PKIG: variants seen among roughly 807,000 people sequenced by gnomAD.
PKIG encodes protein kinase (cAMP-dependent, catalytic) inhibitor gamma.
Under a neutral mutation model 6.8 loss-of-function variants are expected in PKIG, and 1 was observed. That is an observed-to-expected ratio of 0.15 (90% CI 0.05 to 0.69). The LOEUF (loss-of-function observed/expected upper bound fraction) is 0.69, where lower values mean the gene tolerates loss of function less well. Among genes scored for constraint, PKIG ranks in the 30% least tolerant of loss-of-function variants. The probability of loss-of-function intolerance (pLI) is 0.82; values close to 1 mark genes in which losing one functional copy is unlikely to be tolerated. For missense variants in PKIG, 77 were observed against 104.0 expected (o/e 0.74, Z 1.13); for synonymous variants, 39 against 43.0 (o/e 0.91, Z 0.36).
At chr20:44,540,922 G>GT (rs2064556019) in intron 1 of PKIG, among the ~76,000 whole-genome samples, 1 of 152,146 alleles carries the variant, frequency 6.6e-6, no homozygotes, top group African/African-American at 2.4e-5. Context: ...TTGAGGTAGA[G>GT]TAAATGATTC....
chr20:44,552,342 A>G (rs909647641), intron 1 of PKIG, among the ~76,000 whole-genome samples: 1 of 152,010 alleles, frequency 6.6e-6, no homozygotes, highest in African/African-American at 2.4e-5. Context: ...TCTTCCACAT[A>G]TGTTTCAGTA....
At chr20:44,597,744 G>A (rs986501795) in intron 2 of PKIG, among the ~76,000 whole-genome samples, 3 of 152,138 alleles carry the variant, frequency 2.0e-5, no homozygotes, top group Admixed American at 6.5e-5. Flanking sequence ...AATTTGCCGA[G>A]GCTCAGCTAC....
chr20:44,543,947 C>A (rs1306370758), intron 1 of PKIG, among the ~76,000 whole-genome samples: 5 of 151,858 alleles, frequency 3.3e-5, no homozygotes, highest in African/African-American at 1.2e-4. Flanking sequence ...GCCTGTAGTC[C>A]CAGCTACTCG....
At chr20:44,558,553 C>CTCTTTCTTTTTTTCT (rs1568810061) in intron 1 of PKIG, among the ~76,000 whole-genome samples, 15 of 131,842 alleles carry the variant, frequency 1.1e-4, no homozygotes, top group African/African-American at 4.5e-4. Context: ...CCTCACATTT[C>CTCTTTCTTTTTTTCT]TTTTTCTTTC....
At chr20:44,544,191 G>A (rs2064589519) in intron 1 of PKIG, among the ~76,000 whole-genome samples, 1 of 152,076 alleles carries the variant, frequency 6.6e-6, no homozygotes, top group African/African-American at 2.4e-5. Context: ...ATTTTTGTTA[G>A]TAGGGCAATG....
At chr20:44,551,743 A>G (rs1402291695) in intron 1 of PKIG, among the ~76,000 whole-genome samples, 1 of 152,208 alleles carries the variant, frequency 6.6e-6, no homozygotes, top group African/African-American at 2.4e-5. Flanking sequence ...AGGTTAAATT[A>G]AAATAAAATG....
chr20:44,575,254 C>T (rs1478434884), intron 1 of PKIG, among the ~76,000 whole-genome samples: 3 of 151,920 alleles, frequency 2.0e-5, no homozygotes, highest in Non-Finnish European at 2.9e-5. Context: ...GGAGGCTGGC[C>T]GTCACCCACG....
At chr20:44,605,818 A>AG (rs2065159578) in intron 2 of PKIG, among the ~76,000 whole-genome samples, 1 of 152,082 alleles carries the variant, frequency 6.6e-6, no homozygotes, top group South Asian at 2.1e-4. Flanking sequence ...AAGCTAAGCT[A>AG]GGAGGATCTC....
intron 1 of PKIG, among the ~76,000 whole-genome samples, chr20:44,536,259 C>T (rs1242798219): frequency 6.6e-6 from 1 of 152,146 alleles, no homozygotes; most frequent in Non-Finnish European, 1.5e-5. Context: ...GTGAATAATA[C>T]TGCAGTGAAA....
intron 2 of PKIG, among the ~76,000 whole-genome samples, chr20:44,602,247 T>C (rs2065127499): frequency 6.6e-6 from 1 of 152,110 alleles, no homozygotes; most frequent in African/African-American, 2.4e-5. Flanking sequence ...GCTCTCTGGG[T>C]CCCTCTCTAT....
intron 1 of PKIG, among the ~76,000 whole-genome samples, chr20:44,546,538 A>T (rs79934625): frequency 1.4e-5 from 2 of 143,262 alleles, no homozygotes; most frequent in Non-Finnish European, 3.0e-5. Context: ...CTTCTCTAGT[A>T]TATTTTTTGT....
rs1304243962 is a variant in PKIG, at chr20:44,618,425, C to G, written c.*61C>G. On this transcript the variant is annotated 3_prime_UTR_variant, in exon 4 of 4. Coordinates refer to ENST00000372886, the MANE Select transcript of PKIG (RefSeq NM_001281445.2). ...TTCTGTCCCCTCCCAGAGGGGGAAC[C>G]CTGGCACTGGCCCAGCAGCCTCTTC... The G allele has an allele frequency of 6.2e-6, 7 of 1,132,004 alleles. No homozygotes were observed. The highest frequency in any genetic ancestry group is 1.5e-5 in the African/African-American group (1 of 65,700). The allele number at this position is 1,132,004 out of a possible 1,614,324, so 70.1% of individuals were successfully genotyped here.
At chr20:44,579,371 A>C (rs553025348), upstream of PKIG, among the ~76,000 whole-genome samples, 9 of 152,320 alleles carry the variant, frequency 5.9e-5, no homozygotes, top group South Asian at 2.1e-4. Flanking sequence ...TCTGTGAAAA[A>C]CAGCCAAGTT....
At chr20:44,575,219 A>C (rs2064886395) in intron 1 of PKIG, among the ~76,000 whole-genome samples, 1 of 151,860 alleles carries the variant, frequency 6.6e-6, no homozygotes, top group South Asian at 2.1e-4. Context: ...TGCCTGGCTA[A>C]TTTTTGTATT....
rs891951578 is a variant in PKIG, at chr20:44,593,991, C to T, written c.-24+4125C>T. On this transcript the variant is annotated intron_variant, in intron 2 of 3. Transcript: ENST00000372886. ...ATATGGATGAGTGCTCTTGTGCCAA[C>T]GCTGGGCTAAACCTTTACATCCAGT... Among the ~76,000 whole-genome samples, 5 of 152,096 alleles carry T rather than the reference C, an allele frequency of 3.3e-5. No homozygotes were observed. In the East Asian group the frequency reaches 7.7e-4, roughly 23 times the overall value.
At chr20:44,542,642 A>G (rs1320411820) in intron 1 of PKIG, among the ~76,000 whole-genome samples, 1 of 151,992 alleles carries the variant, frequency 6.6e-6, no homozygotes, top group Non-Finnish European at 1.5e-5. Flanking sequence ...GCTGGAGTGC[A>G]GTGGCGTAAT....
chr20:44,575,776 G>C (rs151299629), intron 1 of PKIG, among the ~76,000 whole-genome samples: 10 of 152,300 alleles, frequency 6.6e-5, no homozygotes, highest in African/African-American at 2.4e-4. Context: ...CTGTGGTTCT[G>C]CAGAGCTTTT....
In PKIG at chr20:44,547,089, A is replaced by C. The variant is rs575364406; in HGVS notation, c.-241+15111A>C. ...CCTTCCTTGGACCTCTGTACATCCT[A>C]ACATACAATGGGTGCTCAATTTATG... On this transcript the variant is annotated intron_variant, in intron 1 of 4. Coordinates refer to the PKIG transcript ENST00000372887. 6.6e-5 allele frequency among the ~76,000 whole-genome samples: 10 copies of C among 152,324 alleles called. No homozygotes were observed. The East Asian group carries it at 1.9e-3, about 29-fold the overall frequency.
At chr20:44,591,341 T>C (rs1038863381) in intron 2 of PKIG, among the ~76,000 whole-genome samples, 1 of 152,156 alleles carries the variant, frequency 6.6e-6, no homozygotes, top group Non-Finnish European at 1.5e-5. Flanking sequence ...TTTATCCTGA[T>C]GGCTCTGAAT....
Sources: allele counts gnomAD v4.1 joint callset (sites outside exome capture counted in the v4.1 genomes callset), GRCh38; gene constraint gnomAD v4.1.1; transcripts MANE v1.5; gene names NCBI Gene and HGNC (gene_info 2026-07-23, HGNC 2026-07-21).